Variants in MALRD1 observed in about 807,000 individuals in gnomAD.
MALRD1 encodes MAM and LDL receptor class A domain containing 1, also known as MAM and LDL-receptor class A domain-containing protein 1.
Under a neutral mutation model 242.1 loss-of-function variants are expected in MALRD1, and 247 were observed. The observed-to-expected ratio is 1.02, with a 90% CI of 0.92 to 1.13. The LOEUF (loss-of-function observed/expected upper bound fraction) is 1.13. MALRD1 is among the 50% of genes most tolerant of loss of function. The pLI, the probability that MALRD1 is intolerant of heterozygous loss-of-function variation, is 0.00. For missense variants in MALRD1, 2,989 were observed against 2,533.1 expected (o/e 1.18, Z -3.86); for synonymous variants, 995 against 866.6 (o/e 1.15, Z -2.60).
At chr10:19,560,182 T>C (rs1482637409) in intron 32 of MALRD1, among the ~76,000 whole-genome samples, 1 of 152,180 alleles carries the variant, frequency 6.6e-6, no homozygotes, top group Non-Finnish European at 1.5e-5. Flanking sequence ...TAAAGACACA[T>C]GCATGGCCGG....
At chr10:19,264,981 T>C (rs1839915434) in intron 19 of MALRD1, among the ~76,000 whole-genome samples, 1 of 152,120 alleles carries the variant, frequency 6.6e-6, no homozygotes, top group African/African-American at 2.4e-5. Context: ...TCTTGGTAGG[T>C]TGTATGTTTG....
intron 36 of MALRD1, among the ~76,000 whole-genome samples, chr10:19,627,277 T>G (rs1839693987): frequency 6.6e-6 from 1 of 152,088 alleles, no homozygotes; most frequent in Non-Finnish European, 1.5e-5. Flanking sequence ...GTTTAAAATC[T>G]TGAAGTATGA....
intron 33 of MALRD1, 123 bp from the exon 34 acceptor site, chr10:19,595,071 A>C: frequency 1.0e-6 from 1 of 994,632 alleles, no homozygotes; most frequent in South Asian, 2.0e-5. Flanking sequence ...CTAATTAGAA[A>C]TTAATTTACT....
chr10:19,345,226 A>G (rs542930887), intron 24 of MALRD1, among the ~76,000 whole-genome samples: 1,808 of 63,300 alleles, frequency 0.029, 17 homozygotes, highest in Non-Finnish European at 0.04. Context: ...TATGATTTAC[A>G]TTATAAAGAT....
At chr10:19,495,259 GA>G (rs1213025500) in intron 30 of MALRD1, among the ~76,000 whole-genome samples, 6 of 151,902 alleles carry the variant, frequency 3.9e-5, no homozygotes, top group African/African-American at 1.5e-4. Context: ...TTACAGGTAT[GA>G]GCCACCACAC....
chr10:19,412,081 C>T (rs1291948739), intron 28 of MALRD1, among the ~76,000 whole-genome samples: 119 of 152,100 alleles, frequency 7.8e-4, no homozygotes, highest in Non-Finnish European at 1.5e-5. Context: ...GGTGGATCAC[C>T]TGAATTCAGG....
intron 7 of MALRD1, among the ~76,000 whole-genome samples, chr10:19,125,341 CTT>C (rs1564408022): frequency 2.2e-5 from 2 of 89,374 alleles, no homozygotes; most frequent in South Asian, 4.8e-4. Context: ...TTCTTTCTTT[CTT>C]TCTTTCTTTC....
chr10:19,554,674 G>A (rs1046887078), intron 32 of MALRD1, among the ~76,000 whole-genome samples: 8 of 152,216 alleles, frequency 5.3e-5, no homozygotes, highest in South Asian at 4.1e-4. Context: ...TTAGCATGCT[G>A]AGGATAATGG....
At chr10:19,217,425 T>C (rs1837366094) in intron 18 of MALRD1, among the ~76,000 whole-genome samples, 1 of 151,458 alleles carries the variant, frequency 6.6e-6, no homozygotes, top group South Asian at 2.1e-4. Flanking sequence ...GGTTAGTTTT[T>C]TACTTCACTT....
At chr10:19,187,329 G>A (rs920668280) in intron 14 of MALRD1, among the ~76,000 whole-genome samples, 5 of 152,116 alleles carry the variant, frequency 3.3e-5, no homozygotes, top group Non-Finnish European at 5.9e-5. Context: ...AGGGCAATGG[G>A]GGAAGGCAAG....
chr10:19,680,679 A>G (rs1842330749), intron 36 of MALRD1, among the ~76,000 whole-genome samples: 2 of 152,130 alleles, frequency 1.3e-5, no homozygotes, highest in African/African-American at 4.8e-5. Flanking sequence ...TCCTGTCATC[A>G]TGATGCTAGC....
intron 33 of MALRD1, among the ~76,000 whole-genome samples, chr10:19,573,513 C>T (rs959246835): frequency 1.3e-5 from 2 of 152,124 alleles, no homozygotes; most frequent in Non-Finnish European, 2.9e-5. Flanking sequence ...AGCAGGGATT[C>T]GCCGCCTCCC....
intron 9 of MALRD1, among the ~76,000 whole-genome samples, chr10:19,134,920 G>C (rs1833276368): frequency 6.6e-6 from 1 of 151,944 alleles, no homozygotes; most frequent in South Asian, 2.1e-4. Flanking sequence ...ACCTCAAATT[G>C]ATATCATTTC....
At chr10:19,108,140 G>A (rs891389032) in intron 5 of MALRD1, among the ~76,000 whole-genome samples, 4 of 151,924 alleles carry the variant, frequency 2.6e-5, no homozygotes, top group Non-Finnish European at 5.9e-5. Context: ...AACTTTGTCT[G>A]CTTAATGGTT....
At chr10:19,586,526 G>A (rs1453138077) in intron 33 of MALRD1, among the ~76,000 whole-genome samples, 3 of 152,194 alleles carry the variant, frequency 2.0e-5, no homozygotes, top group Non-Finnish European at 4.4e-5. Flanking sequence ...GTCCCTCCCA[G>A]TTAGGCTGCT....
intron 34 of MALRD1, among the ~76,000 whole-genome samples, chr10:19,606,161 T>G (rs1422605560): frequency 2.0e-5 from 3 of 152,128 alleles, no homozygotes; most frequent in African/African-American, 7.2e-5. Flanking sequence ...AACTCATAAT[T>G]ATACTTGAAG....
At chr10:19,255,392 C>T (rs1312004744) in intron 18 of MALRD1, among the ~76,000 whole-genome samples, 1 of 151,900 alleles carries the variant, frequency 6.6e-6, no homozygotes, top group Non-Finnish European at 1.5e-5. Flanking sequence ...GTGACATTTT[C>T]ATAATAGAGG....
chr10:19,327,433 T>G (rs1239059874), intron 22 of MALRD1, 130 bp from the exon 23 acceptor site: 1 of 620,810 alleles, frequency 1.6e-6, no homozygotes, highest in Non-Finnish European at 2.8e-6. Flanking sequence ...AAAAATATCT[T>G]AGCTCTTCTC....
chr10:19,607,914 C>A lies in MALRD1; in HGVS notation c.6070+12C>A. ...GTCCAGCTGCTCCGGTACCCCATTT[C>A]CATTCAGATATTCTTGTGATATGAA... On this transcript the variant is annotated intron_variant, in intron 35 of 39. Transcript: ENST00000454679. 6.5e-7 allele frequency: 1 copy of A among 1,548,852 alleles called. No homozygotes were observed. The highest frequency in any genetic ancestry group is 1.7e-4 in the Middle Eastern group (1 of 5,972).
Sources: gnomAD v4.1 joint callset for allele counts (sites outside exome capture counted in the v4.1 genomes callset) on GRCh38, gnomAD v4.1.1 for gene constraint, MANE v1.5 for transcripts, NCBI Gene and HGNC (gene_info 2026-07-23, HGNC 2026-07-21) for gene names.